LARS1: variants seen among roughly 807,000 people sequenced by gnomAD.
LARS1 encodes leucine--tRNA ligase, cytoplasmic.
In LARS1, 100 loss-of-function variants were observed where a neutral mutation model predicts 162.8. The observed-to-expected ratio is 0.61, with a 90% confidence interval of 0.52 to 0.73. The LOEUF (loss-of-function observed/expected upper bound fraction) is 0.73. Ranked by LOEUF, LARS1 falls within the 30% of genes least tolerant of loss-of-function variation. The pLI is 0.00. For synonymous variants in LARS1, 457 were observed against 462.8 expected (o/e 0.99, Z 0.16); for missense variants, 1,258 against 1,408.9 (o/e 0.89, Z 1.71).
At chr5:146,147,069 C>T (rs1753043373) in intron 15 of LARS1, among the ~76,000 whole-genome samples, 1 of 151,918 alleles carries the variant, frequency 6.6e-6, no homozygotes, top group Non-Finnish European at 1.5e-5. Context: ...TCTAACAAAC[C>T]CAAAAGCCAA....
intron 31 of LARS1, among the ~76,000 whole-genome samples, chr5:146,115,171 AAG>A (rs1233980100): frequency 6.6e-6 from 1 of 151,900 alleles, no homozygotes; most frequent in Non-Finnish European, 1.5e-5. Context: ...ATTACAAACT[AAG>A]AGAGAGAAAG....
intron 20 of LARS1, 132 bp downstream of exon 20, chr5:146,142,740 T>C (rs569840458): frequency 2.8e-6 from 2 of 703,390 alleles, no homozygotes; most frequent in East Asian, 5.5e-5. Context: ...TAGTACATAT[T>C]TAAGATAAGA....
intron 18 of LARS1, among the ~76,000 whole-genome samples, chr5:146,143,803 A>T (rs1752893666): frequency 6.6e-6 from 1 of 152,182 alleles, no homozygotes; most frequent in East Asian, 1.9e-4. Context: ...GTTCAAGACC[A>T]AACTGGCCAA....
At chr5:146,114,452 C>G (rs370037775) in intron 31 of LARS1, 141 bp from the exon 32 acceptor site, 2 of 713,202 alleles carry the variant, frequency 2.8e-6, no homozygotes, top group Non-Finnish European at 4.6e-6. Context: ...ATAAAAGCCA[C>G]GCTGGGTGCG....
chr5:146,141,575 A>C (rs953034713), intron 20 of LARS1, among the ~76,000 whole-genome samples: 5 of 151,232 alleles, frequency 3.3e-5, no homozygotes, highest in African/African-American at 1.2e-4. Flanking sequence ...AGGCCAAGAC[A>C]GGAGGATCGC....
intron 14 of LARS1, 94 bp downstream of exon 14, chr5:146,151,768 G>C: frequency 8.5e-7 from 1 of 1,176,368 alleles, no homozygotes; most frequent in African/African-American, 1.5e-5. Flanking sequence ...ATGTATAGCT[G>C]AAACTATGTT....
In LARS1 at chr5:146,131,486, G is replaced by GGTTTTTTTTTTTTTTTTTTTTT. The variant is rs1561802916; in HGVS notation, c.2397-378_2397-377insAAAAAAAAAAAAAAAAAAAAAC. 2 of 119,458 alleles carry GGTTTTTTTTTTTTTTTTTTTTT rather than the reference G, an allele frequency of 1.7e-5. 1 individual carries two copies. Among genetic ancestry groups the GGTTTTTTTTTTTTTTTTTTTTT allele is most frequent in the Non-Finnish European group, 3.4e-5 (2 of 59,648 alleles). 7.4% of individuals were successfully genotyped at this position (119,458 alleles called of 1,614,324 possible). ...ATAGCCTAACTAAGGTTGTAGCCAA[G>GGTTTTTTTTTTTTTTTTTTTTT]TTTTTTTTTTTTTTTTTTTTTTTTT... is the stretch of plus-strand genomic sequence containing the variant. On this transcript the variant is annotated intron_variant, in intron 23 of 31. Transcript: ENST00000394434.
chr5:146,133,376 G>T (rs751767447), intron 22 of LARS1, among the ~76,000 whole-genome samples: 3 of 152,178 alleles, frequency 2.0e-5, no homozygotes, highest in Non-Finnish European at 4.4e-5. Flanking sequence ...GGCAGAGATA[G>T]AAAATGATAA....
Position 146,132,932 on chromosome 5 carries a change from G to C in LARS1, c.2362C>G (p.Pro788Ala). ...ACTCTATCATTGAAAGTGCTGGCAG[G>C]ACCACTTCTTAGGCTGTCCCAGTTG... Reference protein sequence around the residue: ...VANWDSLRSGPASTFNDRVFA... With the variant: ...VANWDSLRSGAASTFNDRVFA... Residue 788 changes from proline (P) to alanine (A), a missense_variant, in exon 23 of 32, where the codon CCT (proline) becomes GCT (alanine). Physicochemically the swap from Pro to Ala is conservative, Grantham distance 27. Transcript: ENST00000394434. 6.2e-7 allele frequency: 1 copy of C among 1,613,976 alleles called. No individual in the cohort carries two copies. The highest frequency in any genetic ancestry group is 8.5e-7 in the Non-Finnish European group (1 of 1,179,936).
chr5:146,130,980 T>C (rs1398367810), intron 24 of LARS1, 39 bp downstream of exon 24: 2 of 1,127,720 alleles, frequency 1.8e-6, no homozygotes, highest in African/African-American at 3.2e-5. Context: ...ATGTTCACAT[T>C]GACATGTTTT....
chr5:146,176,229 G>A (rs1348114705), intron 2 of LARS1, among the ~76,000 whole-genome samples: 2 of 151,740 alleles, frequency 1.3e-5, no homozygotes, highest in Admixed American at 6.6e-5. Context: ...TGAGGTGGGC[G>A]GATCACGAGG....
At chr5:146,125,851 T>C (rs1037732224) in intron 28 of LARS1, among the ~76,000 whole-genome samples, 2 of 151,990 alleles carry the variant, frequency 1.3e-5, no homozygotes, top group Non-Finnish European at 2.9e-5. Context: ...TGGAAGGTGA[T>C]TCTGCCCCCA....
chr5:146,144,804 C>A, intron 15 of LARS1, 95 bp from the exon 16 acceptor site: 2 of 1,074,552 alleles, frequency 1.9e-6, no homozygotes, highest in Non-Finnish European at 2.8e-6. Context: ...GCTATACCAC[C>A]AATAACTGAA....
Position 146,182,568 on chromosome 5 carries a change from C to A in LARS1, c.-75G>T. On this transcript the variant is annotated 5_prime_UTR_variant, in exon 1 of 32. Coordinates refer to ENST00000394434, the MANE Select transcript of LARS1 (RefSeq NM_020117.11). ...TCCACAAAGGAGTGGTTACCTTTCCCCTCCCTCTCGGGGATGCCAGGCCTC... is the reference window on the plus strand; with the variant it reads ...TCCACAAAGGAGTGGTTACCTTTCCACTCCCTCTCGGGGATGCCAGGCCTC... The A allele has an allele frequency of 3.7e-6, 6 of 1,600,346 alleles. No homozygotes were observed. The highest frequency in any genetic ancestry group is 5.1e-6 in the Non-Finnish European group (6 of 1,167,590).
At chr5:146,116,375 C>G (rs1411916451) in intron 31 of LARS1, among the ~76,000 whole-genome samples, 4 of 152,182 alleles carry the variant, frequency 2.6e-5, no homozygotes, top group Admixed American at 2.6e-4. Flanking sequence ...CACACACACT[C>G]TTTCTCTCTG....
chr5:146,121,378 C>T (rs937374106), intron 30 of LARS1, among the ~76,000 whole-genome samples: 3 of 152,102 alleles, frequency 2.0e-5, no homozygotes, highest in Non-Finnish European at 4.4e-5. Context: ...CCAAATGCTG[C>T]CAATCTGAAT....
At chr5:146,126,610 G>A in intron 27 of LARS1, 65 bp from the exon 28 acceptor site, 2 of 1,047,574 alleles carry the variant, frequency 1.9e-6, no homozygotes, top group South Asian at 1.3e-5. Flanking sequence ...CAGAACAGTA[G>A]ATGTGACCAG....
chr5:146,137,169 AT>A (rs1296514455), intron 21 of LARS1, among the ~76,000 whole-genome samples: 6 of 152,196 alleles, frequency 3.9e-5, no homozygotes, highest in Non-Finnish European at 8.8e-5. Context: ...AAGTGCTGGG[AT>A]TATAGGCGTG....
At chr5:146,131,149 G>A in intron 23 of LARS1, 40 bp from the exon 24 acceptor site, 1 of 1,028,452 alleles carries the variant, frequency 9.7e-7, no homozygotes, top group Non-Finnish European at 1.4e-6. Flanking sequence ...GAGTTTAAAG[G>A]CACTTATACA....
Sources: allele counts gnomAD v4.1 joint callset (sites outside exome capture counted in the v4.1 genomes callset), GRCh38; gene constraint gnomAD v4.1.1; transcripts MANE v1.5; gene names NCBI Gene and HGNC (gene_info 2026-07-23, HGNC 2026-07-21).